The following RGL1 variants were observed in gnomAD, a reference collection of about 807,000 sequenced individuals.
RGL1 encodes ral guanine nucleotide dissociation stimulator like 1.
A neutral mutation model predicts 95.2 loss-of-function variants in RGL1; 24 were observed. The ratio of observed to expected loss-of-function variants is 0.25; its 90% confidence interval spans 0.18 to 0.35. RGL1 has a LOEUF of 0.35. Among genes scored for constraint, RGL1 ranks in the 10% least tolerant of loss-of-function variants. The pLI is 1.00. For synonymous variants in RGL1, 329 were observed against 344.9 expected, an observed-to-expected ratio of 0.95 and a Z score of 0.51; for missense variants, 715 against 936.3, an observed-to-expected ratio of 0.76 and a Z score of 3.08.
intron 1 of RGL1, among the ~76,000 whole-genome samples, chr1:183,727,402 T>A (rs1656371799): frequency 6.6e-6 from 1 of 152,210 alleles, no homozygotes; most frequent in Admixed American, 6.5e-5. Context: ...GATGACACAT[T>A]TCTATGAATA....
At chr1:183,686,860 C>T (rs1238901271) in intron 1 of RGL1, among the ~76,000 whole-genome samples, 1 of 152,194 alleles carries the variant, frequency 6.6e-6, no homozygotes, top group African/African-American at 2.4e-5. Flanking sequence ...CAAACCTTGA[C>T]TTGGCAATAA....
intron 7 of RGL1, among the ~76,000 whole-genome samples, chr1:183,888,258 C>T (rs1287934929): frequency 6.6e-6 from 1 of 152,052 alleles, no homozygotes; most frequent in Non-Finnish European, 1.5e-5. Flanking sequence ...AATATATTGA[C>T]GAGAGAAAAA....
At chr1:183,670,771 C>T (rs1342454343) in intron 1 of RGL1, among the ~76,000 whole-genome samples, 1 of 152,168 alleles carries the variant, frequency 6.6e-6, no homozygotes, top group Admixed American at 6.5e-5. Context: ...TAGCAACTTC[C>T]AAGCTCCTTA....
rs764720016 is a variant in RGL1, at chr1:183,884,851, A to T, written c.864A>T (p.Lys288Asn). ...TCTCTCAGTTTAATACCCTCACCAA[A>T]TGTGTTGTCAGCACCATCCTGGGGG... Reference protein sequence around the residue: ...ATISQFNTLTKCVVSTILGGK... With the variant: ...ATISQFNTLTNCVVSTILGGK... Residue 288 changes from lysine to asparagine, a missense_variant, in exon 7 of 18, where the codon AAA becomes AAT. Around this residue, in one of 3 missense-constraint regions of RGL1, gnomAD observed 381 missense variants for 484.8 expected, o/e 0.79. Transcript: ENST00000360851. The T allele has an allele frequency of 6.2e-7, 1 of 1,614,054 alleles. No homozygotes were observed. Among genetic ancestry groups the T allele is most frequent in the Non-Finnish European group, 8.5e-7 (1 of 1,179,960 alleles).
At chr1:183,880,578 C>T (rs1208503875) in intron 4 of RGL1, 38 bp from the exon 5 acceptor site, 1 of 1,601,320 alleles carries the variant, frequency 6.2e-7, no homozygotes, top group Non-Finnish European at 8.5e-7. Flanking sequence ...CTCCCCACAG[C>T]CAGTTGGGTG....
At chr1:183,816,294 C>A (rs919863916) in intron 2 of RGL1, among the ~76,000 whole-genome samples, 2 of 152,144 alleles carry the variant, frequency 1.3e-5, no homozygotes, top group Admixed American at 6.5e-5. Flanking sequence ...CAGTCGGAAA[C>A]AATTTTTCTA....
chr1:183,637,905 A>AT (rs139637440), intron 1 of RGL1, among the ~76,000 whole-genome samples: 10,465 of 152,014 alleles, frequency 0.069, 635 homozygotes, highest in African/African-American at 0.16. Context: ...AGATTTTACA[A>AT]TTTTTTTTCA....
chr1:183,836,785 G>T (rs974356836), intron 2 of RGL1, among the ~76,000 whole-genome samples: 5 of 152,142 alleles, frequency 3.3e-5, no homozygotes, highest in Non-Finnish European at 5.9e-5. Context: ...CCAGAGGTTT[G>T]TGAGTCATAA....
intron 1 of RGL1, among the ~76,000 whole-genome samples, chr1:183,693,248 C>A (rs1654066210): frequency 6.6e-6 from 1 of 152,012 alleles, no homozygotes; most frequent in Non-Finnish European, 1.5e-5. Flanking sequence ...GCCACCGTGC[C>A]CAGCCAGAAA....
intron 14 of RGL1, 53 bp downstream of exon 14, chr1:183,907,154 G>A (rs1487801880): frequency 2.1e-5 from 21 of 987,094 alleles, no homozygotes; most frequent in Non-Finnish European, 3.0e-5. Flanking sequence ...TCAGAGTCGT[G>A]AGAGGAGATG....
At chr1:183,767,228 CAAA>C (rs11300092) in intron 2 of RGL1, among the ~76,000 whole-genome samples, 17 of 102,284 alleles carry the variant, frequency 1.7e-4, no homozygotes, top group Non-Finnish European at 2.8e-4. Context: ...GACCCTGTCT[CAAA>C]AAAAAAAAAA....
At chr1:183,878,065 C>T (rs963332037) in intron 4 of RGL1, among the ~76,000 whole-genome samples, 1 of 152,062 alleles carries the variant, frequency 6.6e-6, no homozygotes, top group Non-Finnish European at 1.5e-5. Flanking sequence ...GTGTCCACAT[C>T]ATGAGAAACA....
chr1:183,750,541 C>T (rs540402559), intron 2 of RGL1, among the ~76,000 whole-genome samples: 1 of 152,290 alleles, frequency 6.6e-6, no homozygotes, highest in Non-Finnish European at 1.5e-5. Context: ...TATTACCCAC[C>T]TTCTGAAGTC....
chr1:183,744,918 A>G (rs1318510739), intron 2 of RGL1, among the ~76,000 whole-genome samples: 1 of 152,208 alleles, frequency 6.6e-6, no homozygotes, highest in Admixed American at 6.5e-5. Context: ...GCTGAGTTGT[A>G]AAGTATGAAT....
At chr1:183,679,529 G>GTCCCT in intron 1 of RGL1, among the ~76,000 whole-genome samples, 2 of 127,398 alleles carry the variant, frequency 1.6e-5, no homozygotes, top group Non-Finnish European at 3.2e-5. Context: ...GAATGAGAAT[G>GTCCCT]AGAAAAAAAG....
At chr1:183,923,580 C>G (rs906474884) in intron 17 of RGL1, among the ~76,000 whole-genome samples, 2 of 152,122 alleles carry the variant, frequency 1.3e-5, no homozygotes, top group African/African-American at 4.8e-5. Context: ...TGTTGCCCAC[C>G]AGCTGTGTGG....
chr1:183,683,860 G>A (rs192074740), intron 1 of RGL1, among the ~76,000 whole-genome samples: 1 of 152,182 alleles, frequency 6.6e-6, no homozygotes, highest in African/African-American at 2.4e-5. Context: ...GGCTTTGTCT[G>A]TTCCTTTTCA....
At chr1:183,922,081 C>T in intron 16 of RGL1, 141 bp from the exon 17 acceptor site, 2 of 675,356 alleles carry the variant, frequency 3.0e-6, no homozygotes, top group East Asian at 2.8e-5. Context: ...GATCCTGGCT[C>T]TTGGTCCAGT....
chr1:183,657,612 A>T (rs552507697), intron 1 of RGL1, among the ~76,000 whole-genome samples: 1,916 of 152,038 alleles, frequency 0.013, 38 homozygotes, highest in African/African-American at 0.045. Flanking sequence ...CCTACAAAGG[A>T]CATGAACTCA....
Sources: allele counts gnomAD v4.1 joint callset (sites outside exome capture counted in the v4.1 genomes callset), GRCh38; gene constraint gnomAD v4.1.1; regional missense constraint gnomAD v4.1.1; transcripts MANE v1.5; gene names NCBI Gene and HGNC (gene_info 2026-07-23, HGNC 2026-07-21).